STARD13: variants seen among roughly 807,000 people sequenced by gnomAD.
STARD13 encodes stAR-related lipid transfer protein 13.
In STARD13, 62 loss-of-function variants were observed where a neutral mutation model predicts 106.4. That is an observed-to-expected ratio of 0.58 (90% confidence interval 0.48 to 0.72). STARD13 has a LOEUF of 0.72. Among genes scored for constraint, STARD13 ranks in the 30% least tolerant of loss-of-function variants. STARD13 has a pLI of 0.00. For missense variants in STARD13, 1,387 were observed against 1,424.0 expected (o/e 0.97, Z 0.42); for synonymous variants, 565 against 553.0 (o/e 1.02, Z -0.31).
chr13:33,633,692 G>C, the STARD13 span, among the ~76,000 whole-genome samples: 1 of 152,148 alleles, frequency 6.6e-6, no homozygotes, highest in Non-Finnish European at 1.5e-5. Flanking sequence ...TCTCAGGCTG[G>C]TTCCAGGTTT....
chr13:33,571,941 G>A, the STARD13 span, among the ~76,000 whole-genome samples: 7 of 152,126 alleles, frequency 4.6e-5, no homozygotes, highest in Non-Finnish European at 1.0e-4. Context: ...AAAATAACCA[G>A]GGAATTTGCT....
the STARD13 span, among the ~76,000 whole-genome samples, chr13:33,360,743 G>C: frequency 6.6e-5 from 2 of 30,356 alleles, no homozygotes; most frequent in East Asian, 8.3e-4. Context: ...GTTGATCGTT[G>C]AACAATATAG....
intron 3 of STARD13, among the ~76,000 whole-genome samples, chr13:33,150,307 G>T (rs1817086205): frequency 6.6e-6 from 1 of 152,222 alleles, no homozygotes; most frequent in South Asian, 2.1e-4. Context: ...TTCATGCCTA[G>T]TACAGGCCCT....
At chr13:33,236,764 A>C (rs1346240649) in intron 1 of STARD13, among the ~76,000 whole-genome samples, 1 of 152,252 alleles carries the variant, frequency 6.6e-6, no homozygotes, top group African/African-American at 2.4e-5. Flanking sequence ...CAGTGAGGAC[A>C]GTGCGTTACA....
the STARD13 span, among the ~76,000 whole-genome samples, chr13:33,484,644 T>C: frequency 6.6e-6 from 1 of 152,166 alleles, no homozygotes. Context: ...TGGGGGAGGC[T>C]GATTTGAGTA....
the STARD13 span, among the ~76,000 whole-genome samples, chr13:33,362,135 CGTT>C: frequency 6.6e-6 from 1 of 152,080 alleles, no homozygotes; most frequent in Admixed American, 6.6e-5. Flanking sequence ...TTAATTAGCT[CGTT>C]GTTCTGCAGG....
chr13:33,321,504 A>AG (rs965214811), intron 1 of STARD13, among the ~76,000 whole-genome samples: 9 of 150,008 alleles, frequency 6.0e-5, no homozygotes, highest in African/African-American at 2.0e-4. Context: ...ACTCCGTCTC[A>AG]GGGAAAAAAA....
At chr13:33,355,019 C>G (rs989760123), upstream of STARD13, among the ~76,000 whole-genome samples, 13 of 151,960 alleles carry the variant, frequency 8.6e-5, no homozygotes, top group African/African-American at 2.7e-4. Flanking sequence ...TAATGAATAT[C>G]TAAAATTCTG....
the STARD13 span, among the ~76,000 whole-genome samples, chr13:33,540,758 T>C: frequency 1.3e-5 from 2 of 152,206 alleles, no homozygotes; most frequent in Non-Finnish European, 2.9e-5. Flanking sequence ...AAGTCATTAG[T>C]TGAGGAAGTT....
At chr13:33,127,822 C>T (rs2138154098) in intron 5 of STARD13, among the ~76,000 whole-genome samples, 1 of 105,170 alleles carries the variant, frequency 9.5e-6, no homozygotes, top group South Asian at 3.2e-4. Context: ...AAATTTGTTC[C>T]CAAAGTGTTG....
chr13:33,598,768 GC>G, the STARD13 span, among the ~76,000 whole-genome samples: 1 of 152,174 alleles, frequency 6.6e-6, no homozygotes, highest in African/African-American at 2.4e-5. Flanking sequence ...AAATCCCTTA[GC>G]TCCTAAATTA....
chr13:33,111,648 G>T, intron 10 of STARD13, 130 bp downstream of exon 10: 1 of 626,910 alleles, frequency 1.6e-6, no homozygotes. Context: ...AAACACCAGA[G>T]CTATAACATA....
chr13:33,469,530 C>T, the STARD13 span, among the ~76,000 whole-genome samples: 2,209 of 152,112 alleles, frequency 0.015, 58 homozygotes, highest in African/African-American at 0.048. Flanking sequence ...TTTCACCGAA[C>T]AAATGTTTAA....
intron 1 of STARD13, among the ~76,000 whole-genome samples, chr13:33,274,899 AC>A (rs1395203308): frequency 4.6e-5 from 7 of 151,428 alleles, no homozygotes; most frequent in African/African-American, 1.2e-4. Context: ...CCCACCAAGA[AC>A]CTCCCGGCCC....
At chr13:33,558,476 G>A in the STARD13 span, among the ~76,000 whole-genome samples, 1 of 151,914 alleles carries the variant, frequency 6.6e-6, no homozygotes, top group Non-Finnish European at 1.5e-5. Flanking sequence ...GTTTTTCCCA[G>A]CTTGCTTTGA....
At chr13:33,199,194 G>T (rs1886842727) in intron 1 of STARD13, among the ~76,000 whole-genome samples, 1 of 152,146 alleles carries the variant, frequency 6.6e-6, no homozygotes. Context: ...CTTTGAATTG[G>T]ATTTAAATAT....
intron 1 of STARD13, among the ~76,000 whole-genome samples, chr13:33,219,715 G>A (rs1888243971): frequency 6.7e-6 from 1 of 149,798 alleles, no homozygotes. Context: ...CAAGGCAGGA[G>A]GATCTTGAGC....
chr13:33,502,014 G>C, the STARD13 span, among the ~76,000 whole-genome samples: 1 of 152,184 alleles, frequency 6.6e-6, no homozygotes, highest in South Asian at 2.1e-4. Flanking sequence ...TCCTATCCAT[G>C]AGCATGGAAT....
At chr13:33,460,106 G>A in the STARD13 span, among the ~76,000 whole-genome samples, 7 of 152,166 alleles carry the variant, frequency 4.6e-5, no homozygotes, top group African/African-American at 1.7e-4. Flanking sequence ...GTAAAATTTA[G>A]GCCATTATGT....
Sources: gnomAD v4.1 joint callset for allele counts (sites outside exome capture counted in the v4.1 genomes callset) on GRCh38, gnomAD v4.1.1 for gene constraint, MANE v1.5 for transcripts, NCBI Gene and HGNC (gene_info 2026-07-23, HGNC 2026-07-21) for gene names.